Variants in EDA observed in about 807,000 individuals in gnomAD.
EDA encodes the protein ectodysplasin-A.
A neutral mutation model predicts 23.6 loss-of-function variants in EDA; 2 were observed. The observed-to-expected ratio is 0.08, with a 90% CI of 0.03 to 0.27. The LOEUF (loss-of-function observed/expected upper bound fraction) is 0.27. Ranked by LOEUF, EDA falls within the 10% of genes least tolerant of loss-of-function variation. The probability of loss-of-function intolerance (pLI) is 1.00; values close to 1 mark genes in which losing one functional copy is unlikely to be tolerated. For missense variants in EDA, 229 were observed against 324.2 expected (o/e 0.71, Z 2.26); for synonymous variants, 131 against 132.0 (o/e 0.99, Z 0.05).
intron 1 of EDA, among the ~76,000 whole-genome samples, chrX:69,681,428 G>C (rs904069209): frequency 9.0e-6 from 1 of 110,857 alleles, no homozygotes; most frequent in Admixed American, 9.6e-5. Flanking sequence ...TTCCAACTTG[G>C]GTCCATTCTC....
chrX:69,675,952 A>G (rs1934065095), intron 1 of EDA, among the ~76,000 whole-genome samples: 1 of 111,150 alleles, frequency 9.0e-6, no homozygotes, highest in Non-Finnish European at 1.9e-5. Flanking sequence ...AATATGGGAG[A>G]GGATAAGGGA....
chrX:69,752,722 G>C lies in EDA; in HGVS notation c.396+136018G>C, dbSNP rs970089789. Among the ~76,000 whole-genome samples the C allele has an allele frequency of 1.8e-4, 20 of 111,685 alleles. 1 individual carries two copies. The highest frequency in any genetic ancestry group is 6.2e-4 in the African/African-American group (19 of 30,688). On this transcript the variant is annotated intron_variant, in intron 1 of 7. Coordinates refer to ENST00000374552, the MANE Select transcript of EDA (RefSeq NM_001399.5). Reference sequence around the variant, plus strand: ...CATCTGGTCCTGGACTGTTTTGGTTGGTAGGCTATTAATTATTGCCTCAAT... The same window carrying C: ...CATCTGGTCCTGGACTGTTTTGGTTCGTAGGCTATTAATTATTGCCTCAAT...
chrX:69,892,577 A>G (rs766345573), intron 1 of EDA, among the ~76,000 whole-genome samples: 1 of 112,447 alleles, frequency 8.9e-6, no homozygotes, highest in Non-Finnish European at 1.9e-5. Flanking sequence ...ATTGAAAAAT[A>G]GATTAGAGCC....
At chrX:69,880,347 G>A (rs774735626) in intron 1 of EDA, among the ~76,000 whole-genome samples, 2 of 112,241 alleles carry the variant, frequency 1.8e-5, no homozygotes, top group East Asian at 5.6e-4. Context: ...AGCCAACAGA[G>A]CCAGACCATG....
At chrX:69,917,970 T>C (rs764226905) in intron 1 of EDA, among the ~76,000 whole-genome samples, 1 of 110,413 alleles carries the variant, frequency 9.1e-6, no homozygotes, top group East Asian at 2.8e-4. Context: ...TTTTATACCT[T>C]CTCATGGGTA....
At chrX:69,621,364 T>A (rs5980656) in intron 1 of EDA, among the ~76,000 whole-genome samples, 1,850 of 112,023 alleles carry the variant, frequency 0.017, 14 homozygotes, top group Non-Finnish European at 0.022. Flanking sequence ...TCTATTGAAG[T>A]ATAACTCATA....
chrX:69,697,688 C>T lies in EDA; in HGVS notation c.396+80984C>T, dbSNP rs911719333. On this transcript the variant is annotated intron_variant, in intron 1 of 7. Coordinates refer to ENST00000374552, the MANE Select transcript of EDA (RefSeq NM_001399.5). ...ATACAGGGGAGAAACTGGAGGAACC[C>T]GATGATGAAGATTACTGTCCCTACC... Among the ~76,000 whole-genome samples the T allele has an allele frequency of 2.7e-5, 3 of 110,676 alleles. No individual in the cohort carries two copies. The South Asian group carries it at 1.2e-3, about 43-fold the overall frequency.
chrX:69,705,549 T>A (rs1275834570), intron 1 of EDA, among the ~76,000 whole-genome samples: 1 of 112,482 alleles, frequency 8.9e-6, no homozygotes, highest in East Asian at 2.8e-4. Context: ...TTGTCCTTTT[T>A]TAAAATGACC....
intron 1 of EDA, among the ~76,000 whole-genome samples, chrX:69,876,276 C>CATAT (rs3056298): frequency 4.6e-5 from 5 of 108,532 alleles, no homozygotes; most frequent in Non-Finnish European, 7.7e-5. Flanking sequence ...GAAACTGTGG[C>CATAT]ATATATATAT....
intron 1 of EDA, among the ~76,000 whole-genome samples, chrX:69,759,541 G>A (rs749820744): frequency 1.6e-4 from 18 of 111,808 alleles, no homozygotes; most frequent in East Asian, 2.8e-4. Context: ...AGGAAGAACC[G>A]CATTAGTGAT....
chrX:69,969,710 C>A (rs1043469225), intron 2 of EDA, among the ~76,000 whole-genome samples: 1 of 111,610 alleles, frequency 9.0e-6, no homozygotes, highest in African/African-American at 3.3e-5. Flanking sequence ...TTCTTCCCAC[C>A]CTGTAGCATA....
intron 2 of EDA, among the ~76,000 whole-genome samples, chrX:69,992,892 T>C (rs183570851): frequency 2.0e-3 from 229 of 112,447 alleles, no homozygotes; most frequent in Non-Finnish European, 3.1e-3. Flanking sequence ...ACTAAAGTCA[T>C]AAAAATATTC....
chrX:69,991,048 T>C (rs1013692711), intron 2 of EDA, among the ~76,000 whole-genome samples: 3 of 111,523 alleles, frequency 2.7e-5, no homozygotes, highest in African/African-American at 9.8e-5. Flanking sequence ...TTTTTTTAAC[T>C]TCTATTTTTT....
At chrX:69,730,401 A>G (rs1412293540) in intron 1 of EDA, among the ~76,000 whole-genome samples, 1 of 111,844 alleles carries the variant, frequency 8.9e-6, no homozygotes, top group African/African-American at 3.3e-5. Context: ...TAAGGGCATT[A>G]TATACACAAG....
intron 1 of EDA, among the ~76,000 whole-genome samples, chrX:69,767,235 G>A (rs146260793): frequency 9.0e-6 from 1 of 111,215 alleles, no homozygotes; most frequent in African/African-American, 3.3e-5. Context: ...TTTTATTGAA[G>A]TATTGACATA....
intron 1 of EDA, among the ~76,000 whole-genome samples, chrX:69,713,052 G>A (rs7471688): frequency 0.024 from 1,986 of 83,557 alleles, 58 homozygotes; most frequent in African/African-American, 0.087. Context: ...ATCACACACC[G>A]GGGCCTGTTG....
intron 1 of EDA, among the ~76,000 whole-genome samples, chrX:69,678,537 C>T (rs1301694261): frequency 9.0e-6 from 1 of 111,218 alleles, no homozygotes; most frequent in East Asian, 2.8e-4. Flanking sequence ...AGGTCCTTCA[C>T]AACCCTTGTA....
At chrX:69,691,576 A>G (rs1261933606) in intron 1 of EDA, among the ~76,000 whole-genome samples, 1 of 112,111 alleles carries the variant, frequency 8.9e-6, no homozygotes, top group African/African-American at 3.2e-5. Flanking sequence ...AAATGAAAGT[A>G]AAAGCACAGC....
chrX:69,938,590 C>T (rs1201715481), intron 1 of EDA, among the ~76,000 whole-genome samples: 1 of 111,516 alleles, frequency 9.0e-6, no homozygotes, highest in African/African-American at 3.3e-5. Context: ...GTTTCCTTTG[C>T]TATGTAGAAG....
Sources: allele counts gnomAD v4.1 joint callset (sites outside exome capture counted in the v4.1 genomes callset), GRCh38; gene constraint gnomAD v4.1.1; transcripts MANE v1.5; gene names NCBI Gene and HGNC (gene_info 2026-07-23, HGNC 2026-07-21).